LARGE1: variants seen among roughly 807,000 people sequenced by gnomAD.
The protein encoded by LARGE1 is LARGE xylosyl- and glucuronyltransferase 1, also known as xylosyl- and glucuronyltransferase LARGE1.
LARGE1 carries 43 observed loss-of-function variants against 87.6 expected under a neutral mutation model. That is an observed-to-expected ratio of 0.49 (90% CI 0.38 to 0.63). LARGE1 has a LOEUF of 0.63. LARGE1 is among the 30% of genes least tolerant of loss of function. The probability of loss-of-function intolerance (pLI) is 0.00; values close to 1 mark genes in which losing one functional copy is unlikely to be tolerated. For synonymous variants in LARGE1, 434 were observed against 394.6 expected (o/e 1.10, Z -1.18); for missense variants, 802 against 1,000.2 (o/e 0.80, Z 2.67).
chr22:33,142,162 T>C, the LARGE1 span, among the ~76,000 whole-genome samples: 1 of 152,216 alleles, frequency 6.6e-6, no homozygotes, highest in Non-Finnish European at 1.5e-5. Context: ...GATCAGGCAA[T>C]GTTCAGCTCT....
At chr22:33,343,592 G>A (rs542257275) in intron 9 of LARGE1, among the ~76,000 whole-genome samples, 4 of 152,134 alleles carry the variant, frequency 2.6e-5, no homozygotes, top group Admixed American at 2.6e-4. Context: ...CTCCTGCAGG[G>A]GTTGAATAGC....
In LARGE1 at chr22:33,319,074, C is replaced by T. The variant is rs1029688745; in HGVS notation, c.1288-2826G>A. ...TGGAAGATGATGGCATTAATTGCTC[C>T]AATTCCTTCTCTCTCCCCCACTCCC... On this transcript the variant is annotated intron_variant, in intron 10 of 14. Coordinates refer to ENST00000397394, the MANE Select transcript of LARGE1 (RefSeq NM_133642.5). Among the ~76,000 whole-genome samples, 5 of 152,138 alleles carry T rather than the reference C, an allele frequency of 3.3e-5. No individual in the cohort carries two copies. In the East Asian group the frequency reaches 9.6e-4, roughly 29 times the overall value.
At chr22:33,576,693 G>A (rs1055180866) in intron 5 of LARGE1, among the ~76,000 whole-genome samples, 9 of 152,080 alleles carry the variant, frequency 5.9e-5, no homozygotes, top group African/African-American at 2.2e-4. Context: ...ATTGGTTCCA[G>A]CACCCTCAAG....
chr22:33,220,266 G>A (rs185406383), intron 11 of LARGE1, among the ~76,000 whole-genome samples: 61 of 152,312 alleles, frequency 4.0e-4, no homozygotes, highest in African/African-American at 1.4e-3. Flanking sequence ...TCTCTAGGGA[G>A]AGATATTATG....
Position 33,404,880 on chromosome 22 carries a change from T to TG in LARGE1, c.893-20577dup, listed in dbSNP as rs113829685. Among the ~76,000 whole-genome samples the TG allele has an allele frequency of 6.0e-3, 911 of 151,974 alleles. 4 individuals are homozygous for TG. Among genetic ancestry groups the TG allele is most frequent in the African/African-American group, 0.021 (860 of 41,462 alleles). On this transcript the variant is annotated intron_variant, in intron 7 of 14. Transcript: ENST00000397394. ...AGCAAGGAATTTTGCTTCTGTTCAGTGGGGGGGAAGGAAAGTGTGGTGAAA... is the reference window on the plus strand; with the variant it reads ...AGCAAGGAATTTTGCTTCTGTTCAGTGGGGGGGGAAGGAAAGTGTGGTGAAA...
At chr22:33,178,760 C>T (rs1352911991) in intron 11 of LARGE1, among the ~76,000 whole-genome samples, 1 of 152,000 alleles carries the variant, frequency 6.6e-6, no homozygotes, top group Non-Finnish European at 1.5e-5. Flanking sequence ...ATGCTGAAAC[C>T]ATAAATATTA....
chr22:33,556,352 T>C (rs1168843791), intron 6 of LARGE1, among the ~76,000 whole-genome samples: 4 of 151,944 alleles, frequency 2.6e-5, no homozygotes, highest in Non-Finnish European at 5.9e-5. Flanking sequence ...GCATGACACA[T>C]AAAACACATT....
Position 33,360,366 on chromosome 22 carries a change from T to C in LARGE1, c.1131+21553A>G, listed in dbSNP as rs2064341360. Among the ~76,000 whole-genome samples the C allele has an allele frequency of 1.3e-5, 2 of 149,264 alleles. 1 individual carries two copies. On this transcript the variant is annotated intron_variant, in intron 9 of 14. Coordinates refer to ENST00000397394, the MANE Select transcript of LARGE1 (RefSeq NM_133642.5). ...GCTGGTAATTTATAAAGAGGTCTAATTGGCTCATGGTTCTGCAGGCTGTAC... is the reference window on the plus strand; with the variant it reads ...GCTGGTAATTTATAAAGAGGTCTAACTGGCTCATGGTTCTGCAGGCTGTAC...
intron 2 of LARGE1, among the ~76,000 whole-genome samples, chr22:33,678,879 A>G (rs2081660330): frequency 6.6e-6 from 1 of 152,214 alleles, no homozygotes; most frequent in African/African-American, 2.4e-5. Flanking sequence ...CCTGATGCGC[A>G]TCTAACGAAA....
chr22:33,652,530 T>TC (rs3216423), intron 2 of LARGE1, among the ~76,000 whole-genome samples: 81,282 of 151,864 alleles, frequency 0.54, 22,798 homozygotes, highest in Middle Eastern at 0.66. Context: ...AATCCTGGGC[T>TC]CCAGCTACAT....
upstream of LARGE1, among the ~76,000 whole-genome samples, chr22:33,922,130 T>C (rs74537132): frequency 0.11 from 16,673 of 151,802 alleles, 1,072 homozygotes; most frequent in South Asian, 0.3. Context: ...GCCTCTCCGC[T>C]CTCCAGGACT....
At chr22:33,854,026 C>T (rs1236475308) in intron 1 of LARGE1, among the ~76,000 whole-genome samples, 1 of 152,080 alleles carries the variant, frequency 6.6e-6, no homozygotes, top group African/African-American at 2.4e-5. Context: ...CCATACCAGA[C>T]AGTCCTTGTA....
chr22:33,290,298 C>T (rs912306430), intron 12 of LARGE1, among the ~76,000 whole-genome samples: 1 of 152,162 alleles, frequency 6.6e-6, no homozygotes, highest in South Asian at 2.1e-4. Flanking sequence ...AAGGAAACGC[C>T]GTGCACTGCC....
intron 9 of LARGE1, among the ~76,000 whole-genome samples, chr22:33,342,648 G>A (rs913896605): frequency 2.0e-5 from 3 of 152,146 alleles, no homozygotes; most frequent in African/African-American, 7.2e-5. Flanking sequence ...GCCAAGTCAG[G>A]GTTGGGACTA....
At chr22:33,707,661 C>T (rs2082601565) in intron 2 of LARGE1, among the ~76,000 whole-genome samples, 1 of 152,160 alleles carries the variant, frequency 6.6e-6, no homozygotes, top group South Asian at 2.1e-4. Flanking sequence ...GTAAATTCTC[C>T]ATTTGGCCCT....
At chr22:33,523,339 CTTTT>C (rs1177042100) in intron 6 of LARGE1, among the ~76,000 whole-genome samples, 3 of 152,026 alleles carry the variant, frequency 2.0e-5, no homozygotes, top group Non-Finnish European at 4.4e-5. Flanking sequence ...GCATTCCTTT[CTTTT>C]TATTTTTGCG....
intron 1 of LARGE1, among the ~76,000 whole-genome samples, chr22:33,912,434 A>G (rs2065664614): frequency 6.6e-6 from 1 of 152,220 alleles, no homozygotes; most frequent in Non-Finnish European, 1.5e-5. Context: ...CCTAAATTCT[A>G]TGGCTACCAT....
chr22:33,287,593 G>C (rs1007066046), intron 12 of LARGE1, among the ~76,000 whole-genome samples: 12 of 152,322 alleles, frequency 7.9e-5, no homozygotes, highest in Admixed American at 7.8e-4. Flanking sequence ...ACAGCAGCCT[G>C]GGTCTTTCTG....
chr22:33,774,545 TG>T (rs751605466), intron 1 of LARGE1, among the ~76,000 whole-genome samples: 6 of 129,276 alleles, frequency 4.6e-5, no homozygotes, highest in African/African-American at 8.2e-5. Flanking sequence ...TTAGTAGAGA[TG>T]GGGGTTTCAC....
Sources: gnomAD v4.1 joint callset for allele counts (sites outside exome capture counted in the v4.1 genomes callset) on GRCh38, gnomAD v4.1.1 for gene constraint, MANE v1.5 for transcripts, NCBI Gene and HGNC (gene_info 2026-07-23, HGNC 2026-07-21) for gene names.